The following DCLRE1B variants were observed in gnomAD, a reference collection of about 807,000 sequenced individuals.
DCLRE1B encodes 5' exonuclease Apollo.
DCLRE1B carries 6 observed loss-of-function variants against 19.8 expected under a neutral mutation model. That is an observed-to-expected ratio of 0.30 (90% CI 0.17 to 0.60). DCLRE1B has a LOEUF of 0.60. DCLRE1B is among the 20% of genes least tolerant of loss of function. The pLI, the probability that DCLRE1B is intolerant of heterozygous loss-of-function variation, is 0.87. For synonymous variants in DCLRE1B, 258 were observed against 255.7 expected (o/e 1.01, Z -0.09); for missense variants, 622 against 654.2 (o/e 0.95, Z 0.54).
At chr1:113,905,177 G>C (rs1273962200), upstream of DCLRE1B, 3 of 341,026 alleles carry the variant, frequency 8.8e-6, no homozygotes, top group African/African-American at 2.1e-5. Flanking sequence ...CCCCGCGAGC[G>C]AGCGCTAAGC....
chr1:113,905,579 C>G lies in DCLRE1B; in HGVS notation c.-8C>G, dbSNP rs538876444. ...GAAGATCCCACTGGTGACTCCAACCCTACCACCATGAATGGGGTCCTGATC... is the reference window on the plus strand; with the variant it reads ...GAAGATCCCACTGGTGACTCCAACCGTACCACCATGAATGGGGTCCTGATC... On this transcript the variant is annotated 5_prime_UTR_variant, in exon 1 of 4. Transcript: ENST00000650450. 1 of 1,613,828 alleles carries G rather than the reference C, an allele frequency of 6.2e-7. No individual in the cohort carries two copies. Among genetic ancestry groups the G allele is most frequent in the South Asian group, 1.1e-5 (1 of 91,062 alleles).
intron 3 of DCLRE1B, among the ~76,000 whole-genome samples, chr1:113,910,406 T>G (rs1669210585): frequency 6.6e-6 from 1 of 152,206 alleles, no homozygotes; most frequent in African/African-American, 2.4e-5. Context: ...CTATACCCTT[T>G]CTACCCTTTC....
rs192364190 is a variant in DCLRE1B, at chr1:113,907,255, G to A, written c.355+94G>A. ...TTTTTAATGTATAGACTGGGGCCTC[G>A]CAGTGTTGCCGAGGCTGGTCTCAAA... On this transcript the variant is annotated intron_variant, in intron 2 of 3. Coordinates refer to ENST00000650450, the MANE Select transcript of DCLRE1B (RefSeq NM_022836.4). 2.5e-3 allele frequency: 2,866 copies of A among 1,129,924 alleles called. 9 individuals carry two copies. The highest frequency in any genetic ancestry group is 3.1e-3 in the Non-Finnish European group (2,615 of 856,246). 70.0% of individuals were successfully genotyped at this position (1,129,924 alleles called of 1,614,324 possible).
intron 1 of DCLRE1B, among the ~76,000 whole-genome samples, chr1:113,906,759 C>T (rs1669014371): frequency 6.6e-6 from 1 of 152,178 alleles, no homozygotes; most frequent in African/African-American, 2.4e-5. Flanking sequence ...TCCCAAAGTG[C>T]TGGGATTACA....
rs776095202 is a variant in DCLRE1B, at chr1:113,911,562, C to A, written c.970C>A (p.Gln324Lys). ...CGTGCCCCTGATTCCGGACTCTGTA[C>A]AGCAATACATGAGTTCTTCCTCTAG... ...ISVPLIPDSVQQYMSSSSRKP... is the reference protein window; with the variant it reads ...ISVPLIPDSVKQYMSSSSRKP... The change falls in exon 4 of 4, where the codon CAG becomes AAG. Residue 324 changes from glutamine to lysine, a missense_variant. Coordinates refer to ENST00000650450, the MANE Select transcript of DCLRE1B (RefSeq NM_022836.4). The A allele has an allele frequency of 6.2e-7, 1 of 1,608,344 alleles. No individual in the cohort carries two copies. Among genetic ancestry groups the A allele is most frequent in the South Asian group, 1.1e-5 (1 of 90,338 alleles).
At position 113,912,313 on chromosome 1, in the gene DCLRE1B, T is replaced by G; in HGVS notation, c.*122T>G. On this transcript the variant is annotated 3_prime_UTR_variant, in exon 4 of 4. Transcript: ENST00000650450. The stretch of plus-strand genomic sequence containing the variant: ...CTTTTCTATCTTTACAAGACTCTTA[T>G]GGGCCCACCGTGGAGCAGCACTTCC... The G allele has an allele frequency of 9.8e-7, 1 of 1,022,732 alleles. No homozygotes were observed. The highest frequency in any genetic ancestry group is 1.4e-6 in the Non-Finnish European group (1 of 722,626). The allele number at this position is 1,022,732 out of a possible 1,614,324, so 63.4% of individuals were successfully genotyped here.
At chr1:113,909,253 A>G (rs1227625169) in intron 3 of DCLRE1B, among the ~76,000 whole-genome samples, 3 of 152,240 alleles carry the variant, frequency 2.0e-5, no homozygotes, top group Non-Finnish European at 4.4e-5. Context: ...TAAATTAAGT[A>G]TACTGAAAAA....
chr1:113,906,397 G>A (rs1030719969), intron 1 of DCLRE1B, among the ~76,000 whole-genome samples: 2 of 151,428 alleles, frequency 1.3e-5, no homozygotes, highest in African/African-American at 4.9e-5. Flanking sequence ...AATGTGCTGG[G>A]TGGTTCTCCA....
rs549816716 is a variant in DCLRE1B at position 113,905,684 on chromosome 1, A to T, written c.98A>T (p.His33Leu). The change falls in exon 1 of 4, where the codon CAC becomes CTC. Residue 33 changes from histidine to leucine, a missense_variant. His to Leu is a moderately conservative substitution (Grantham distance 99, BLOSUM62 -3). This residue lies in a region of DCLRE1B where 237 missense variants were observed against 223.8 expected (regional missense o/e 1.06). Transcript: ENST00000650450. ...TARLFFLSHM[H>L]SDHTVGLSST... is the part of the protein sequence containing the mutation. ...CGTCTCTTCTTCTTGTCTCACATGC[A>T]CTCGGACCACACCGTGGGCCTGTCT... is the stretch of plus-strand genomic sequence containing the variant. 3 of 1,613,858 alleles carry T rather than the reference A, an allele frequency of 1.9e-6. No individual in the cohort carries two copies. Among genetic ancestry groups the T allele is most frequent in the African/African-American group, 2.7e-5 (2 of 74,914 alleles).
chr1:113,912,020 G>T lies in DCLRE1B; in HGVS notation c.1428G>T (p.Trp476Cys). 2 of 1,614,192 alleles carry T rather than the reference G, an allele frequency of 1.2e-6. No individual in the cohort carries two copies. The highest frequency in any genetic ancestry group is 1.7e-6 in the Non-Finnish European group (2 of 1,180,042). The change falls in exon 4 of 4, where the codon TGG (tryptophan) becomes TGT (cysteine). Residue 476 changes from tryptophan (W) to cysteine (C), a missense_variant. By Grantham distance (215) the Trp-to-Cys change is radical (BLOSUM62 -2). This residue lies in a region of DCLRE1B where 382 missense variants were observed against 412.5 expected (regional missense o/e 0.93). Transcript: ENST00000650450. ...GPEATGNQSAWMGHGSPLSHS... is the reference protein window; with the variant it reads ...GPEATGNQSACMGHGSPLSHS... ...AAGCCACAGGGAATCAGAGTGCCTG[G>T]ATGGGCCATGGTTCTCCCCTGTCCC...
Position 113,911,183 on chromosome 1 carries a change from T to C in DCLRE1B, c.591T>C (p.Phe197=). ...TGCTGGAGCAGCTGGCCCTGGAGTTTCAGACCTGGGTGGTATTGAGTCCTC... is the reference window on the plus strand; with the variant it reads ...TGCTGGAGCAGCTGGCCCTGGAGTTCCAGACCTGGGTGGTATTGAGTCCTC... The part of the protein sequence containing the change: ...ESLLEQLALE[F]QTWVVLSPRR... Residue 197 remains phenylalanine, a synonymous_variant, in exon 4 of 4, where the codon TTT becomes TTC. Coordinates refer to ENST00000650450, the MANE Select transcript of DCLRE1B (RefSeq NM_022836.4). 6.2e-7 allele frequency: 1 copy of C among 1,614,190 alleles called. No individual in the cohort carries two copies. The highest frequency in any genetic ancestry group is 8.5e-7 in the Non-Finnish European group (1 of 1,180,036).
At chr1:113,904,978 G>A, upstream of DCLRE1B, 4 of 474,468 alleles carry the variant, frequency 8.4e-6, no homozygotes, top group South Asian at 4.1e-5. Context: ...CCCACAGATC[G>A]CTCCCGCTAC....
intron 3 of DCLRE1B, among the ~76,000 whole-genome samples, chr1:113,910,536 CTG>C (rs1445626173): frequency 2.6e-5 from 4 of 152,190 alleles, no homozygotes; most frequent in East Asian, 1.9e-4. Context: ...GGGTCTCACT[CTG>C]TTGCCCAGGC....
At chr1:113,907,673 C>T (rs1669087939) in intron 2 of DCLRE1B, among the ~76,000 whole-genome samples, 1 of 151,870 alleles carries the variant, frequency 6.6e-6, no homozygotes. Flanking sequence ...GGGGTTTCAC[C>T]ATGTTGGCCA....
rs756618721 is a variant in DCLRE1B at position 113,908,146 on chromosome 1, A to G, written c.493A>G (p.Ile165Val). Residue 165 changes from isoleucine (I) to valine (V), a missense_variant, in exon 3 of 4, where the codon ATT becomes GTT. By Grantham distance (29) the Ile-to-Val change is conservative. Around this residue, in one of 3 missense-constraint regions of DCLRE1B, gnomAD observed 237 missense variants for 223.8 expected, o/e 1.06. Transcript: ENST00000650450. ...TTCCCGACAAGAAGCTGCCCACCAG[A>G]TTGTCCAGCTCATTCGAAAACACCC... is the stretch of plus-strand genomic sequence containing the variant. Reference protein sequence around the residue: ...LPSRQEAAHQIVQLIRKHPQH... With the variant: ...LPSRQEAAHQVVQLIRKHPQH... The G allele has an allele frequency of 1.9e-6, 3 of 1,614,154 alleles. No individual in the cohort carries two copies. In the East Asian group the frequency reaches 6.7e-5, roughly 36 times the overall value.
In DCLRE1B at chr1:113,911,685, C is replaced by G. The variant is rs780781288; in HGVS notation, c.1093C>G (p.Gln365Glu). 1.4e-5 allele frequency: 23 copies of G among 1,613,482 alleles called. No homozygotes were observed. The South Asian group carries it at 2.1e-4, about 15-fold the overall frequency. The change falls in exon 4 of 4, where the codon CAA becomes GAA. Residue 365 changes from glutamine (Q) to glutamate (E), a missense_variant. Transcript: ENST00000650450. ...ESPEESADQSQADRDSKKAKK... is the reference protein window; with the variant it reads ...ESPEESADQSEADRDSKKAKK... Reference sequence around the variant, plus strand: ...CCCTGAGGAAAGTGCTGATCAATCTCAAGCTGACAGAGACTCAAAGAAGGC... The same window carrying G: ...CCCTGAGGAAAGTGCTGATCAATCTGAAGCTGACAGAGACTCAAAGAAGGC...
At chr1:113,911,091 T>C (rs567566648) in intron 3 of DCLRE1B, 40 bp from the exon 4 acceptor site, 11 of 1,530,724 alleles carry the variant, frequency 7.2e-6, no homozygotes, top group Non-Finnish European at 9.7e-6. Flanking sequence ...TTAATTTTCT[T>C]CCTTCTCTTA....
At position 113,908,023 on chromosome 1, in the gene DCLRE1B, A is replaced by G; in HGVS notation, c.370A>G (p.Thr124Ala). Residue 124 changes from threonine to alanine, a missense_variant, in exon 3 of 4, where the codon ACA becomes GCA. Coordinates refer to ENST00000650450, the MANE Select transcript of DCLRE1B (RefSeq NM_022836.4). ...TILYTGDFRY[T>A]PSMLKEPALT... Reference sequence around the variant, plus strand: ...TATTCCTCCAGGTGATTTTCGATACACACCATCCATGCTAAAGGAGCCAGC... The same window carrying G: ...TATTCCTCCAGGTGATTTTCGATACGCACCATCCATGCTAAAGGAGCCAGC... The G allele has an allele frequency of 6.2e-7, 1 of 1,613,716 alleles. No homozygotes were observed. Among genetic ancestry groups the G allele is most frequent in the Non-Finnish European group, 8.5e-7 (1 of 1,179,814 alleles).
rs189724836 is a variant in DCLRE1B, at chr1:113,910,226, G to A, written c.539-905G>A. On this transcript the variant is annotated intron_variant, in intron 3 of 3. Transcript: ENST00000650450. ...TATGATTAGAATTAGCCATTTTCCT[G>A]CTTCACACTCAGTGGCTCCCCTTCA... 1.1e-4 allele frequency among the ~76,000 whole-genome samples: 17 copies of A among 152,182 alleles called. 1 individual carries two copies. Among genetic ancestry groups the A allele is most frequent in the African/African-American group, 3.9e-4 (16 of 41,502 alleles).
Sources: allele counts gnomAD v4.1 joint callset (sites outside exome capture counted in the v4.1 genomes callset), GRCh38; gene constraint gnomAD v4.1.1; regional missense constraint gnomAD v4.1.1; transcripts MANE v1.5; gene names NCBI Gene and HGNC (gene_info 2026-07-23, HGNC 2026-07-21).